Variants in DEPTOR observed in about 807,000 individuals in gnomAD.
The protein encoded by DEPTOR is DEP domain containing MTOR interacting protein.
A neutral mutation model predicts 41.6 loss-of-function variants in DEPTOR; 41 were observed. The ratio of observed to expected loss-of-function variants is 0.98; its 90% CI spans 0.77 to 1.28. The LOEUF (loss-of-function observed/expected upper bound fraction) is 1.28, where lower values mean the gene tolerates loss of function less well. Ranked by LOEUF, DEPTOR falls within the 50% of genes most tolerant of loss-of-function variation. The probability of loss-of-function intolerance (pLI) is 0.00; values close to 1 mark genes in which losing one functional copy is unlikely to be tolerated. For synonymous variants in DEPTOR, 195 were observed against 192.3 expected (o/e 1.01, Z -0.12); for missense variants, 514 against 527.9 (o/e 0.97, Z 0.26).
intron 1 of DEPTOR, among the ~76,000 whole-genome samples, chr8:119,917,971 T>A (rs13280041): frequency 0.72 from 109,315 of 152,080 alleles, 39,730 homozygotes; most frequent in East Asian, 0.95. Context: ...CTTAATTCTT[T>A]ACCTTGTTTA....
chr8:120,039,696 A>G (rs1425151741), intron 8 of DEPTOR, among the ~76,000 whole-genome samples: 1 of 152,110 alleles, frequency 6.6e-6, no homozygotes, highest in Non-Finnish European at 1.5e-5. Context: ...CCTTATTCTC[A>G]GGAGCCTGAT....
chr8:119,927,231 A>T (rs1455089804), intron 1 of DEPTOR, among the ~76,000 whole-genome samples: 1 of 152,160 alleles, frequency 6.6e-6, no homozygotes, highest in African/African-American at 2.4e-5. Context: ...TGAAGGCACC[A>T]CTGTGGCAAC....
chr8:119,950,270 CTCTTG>C (rs1484788333), intron 3 of DEPTOR, among the ~76,000 whole-genome samples: 2 of 152,152 alleles, frequency 1.3e-5, no homozygotes, highest in East Asian at 3.8e-4. Context: ...GAGACTGCTT[CTCTTG>C]TCTTTTTATA....
chr8:119,898,639 G>A (rs11989682), intron 1 of DEPTOR, among the ~76,000 whole-genome samples: 17 of 151,822 alleles, frequency 1.1e-4, no homozygotes, highest in African/African-American at 3.6e-4. Context: ...TGGGAGGATC[G>A]CTGGAGCCCA....
At chr8:120,002,812 A>ATATATATATATATAT (rs71306853) in intron 5 of DEPTOR, among the ~76,000 whole-genome samples, 165 bp from the exon 6 acceptor site, 19 of 130,044 alleles carry the variant, frequency 1.5e-4, no homozygotes, top group East Asian at 2.5e-4. Flanking sequence ...ATATATATAT[A>ATATATATATATATAT]ATATAAAGTA....
At chr8:119,919,324 C>T (rs1586614612) in intron 1 of DEPTOR, among the ~76,000 whole-genome samples, 1 of 151,962 alleles carries the variant, frequency 6.6e-6, no homozygotes, top group African/African-American at 2.4e-5. Context: ...ATATAGTGAC[C>T]TCCTATGTCC....
At position 120,021,555 on chromosome 8, in the gene DEPTOR, A is replaced by G. The variant is rs72673702; in HGVS notation, c.1101+12422A>G. ...TCTTCTGGCTGATTGTTGCTTAAAT[A>G]CGCTTATATTTGCAAACAAAACACA... On this transcript the variant is annotated intron_variant, in intron 8 of 8. Transcript: ENST00000286234. 2.8e-3 allele frequency among the ~76,000 whole-genome samples: 422 copies of G among 152,324 alleles called. 1 individual carries two copies. The highest frequency in any genetic ancestry group is 3.6e-3 in the Non-Finnish European group (246 of 68,030).
chr8:120,001,131 A>C (rs1519815), intron 4 of DEPTOR, among the ~76,000 whole-genome samples: 22,752 of 151,558 alleles, frequency 0.15, 2,785 homozygotes, highest in African/African-American at 0.33. Flanking sequence ...CTGCTGGGCA[A>C]TGGGGACACA....
chr8:120,001,836 G>A, intron 5 of DEPTOR, 126 bp downstream of exon 5: 2 of 1,181,074 alleles, frequency 1.7e-6, no homozygotes, highest in Admixed American at 3.2e-5. Context: ...TCATAACCAA[G>A]AAGCATGAAA....
At chr8:119,923,893 C>CTTTTCTTTTTTTTTTTTTTT (rs1554673843) in intron 1 of DEPTOR, among the ~76,000 whole-genome samples, 1 of 104,980 alleles carries the variant, frequency 9.5e-6, no homozygotes, top group African/African-American at 3.0e-5. Context: ...TTTTTTCTTT[C>CTTTTCTTTTTTTTTTTTTTT]TTTTTTTTTT....
At chr8:119,956,523 C>A (rs995459781) in intron 3 of DEPTOR, among the ~76,000 whole-genome samples, 1 of 152,034 alleles carries the variant, frequency 6.6e-6, no homozygotes, top group African/African-American at 2.4e-5. Flanking sequence ...AGAAATGACA[C>A]AAGTTAACCC....
chr8:119,945,913 T>A (rs950111064), intron 3 of DEPTOR, among the ~76,000 whole-genome samples: 3 of 152,132 alleles, frequency 2.0e-5, no homozygotes, highest in African/African-American at 7.2e-5. Flanking sequence ...AAGTGGATAT[T>A]TGAAGAGTGA....
chr8:120,025,977 G>T (rs1812790292), intron 8 of DEPTOR, among the ~76,000 whole-genome samples: 1 of 128,798 alleles, frequency 7.8e-6, no homozygotes, highest in African/African-American at 2.9e-5. Flanking sequence ...TTCTCTCTTA[G>T]GACTTTTGAT....
At chr8:120,040,050 G>C (rs945777892) in intron 8 of DEPTOR, among the ~76,000 whole-genome samples, 1 of 151,892 alleles carries the variant, frequency 6.6e-6, no homozygotes. Context: ...CACCATGTTG[G>C]CCAGGCTGGT....
intron 8 of DEPTOR, among the ~76,000 whole-genome samples, chr8:120,015,723 G>T (rs976627964): frequency 6.6e-6 from 1 of 152,156 alleles, no homozygotes; most frequent in Admixed American, 6.6e-5. Flanking sequence ...CTCCAAAGCC[G>T]AAAGAGGAGA....
At chr8:119,997,262 T>A (rs1427789481) in intron 4 of DEPTOR, among the ~76,000 whole-genome samples, 1 of 152,162 alleles carries the variant, frequency 6.6e-6, no homozygotes, top group Non-Finnish European at 1.5e-5. Context: ...TGAGACAGGA[T>A]CTCACTCTGT....
chr8:119,945,577 T>G (rs1002080440), intron 3 of DEPTOR, among the ~76,000 whole-genome samples: 4 of 152,344 alleles, frequency 2.6e-5, no homozygotes, highest in Admixed American at 2.6e-4. Context: ...GCATAGGCTC[T>G]TCACTTTCCC....
intron 8 of DEPTOR, among the ~76,000 whole-genome samples, chr8:120,029,421 A>C (rs369351606): frequency 2.9e-4 from 44 of 152,234 alleles, no homozygotes; most frequent in Non-Finnish European, 4.9e-4. Flanking sequence ...ATTGAGACGG[A>C]GTCTCACTCT....
chr8:120,032,825 A>AT (rs1296656051), intron 8 of DEPTOR, among the ~76,000 whole-genome samples: 1 of 152,170 alleles, frequency 6.6e-6, no homozygotes, highest in Non-Finnish European at 1.5e-5. Flanking sequence ...TGAATCTGGA[A>AT]CTGTGCAGGA....
Sources: allele counts gnomAD v4.1 joint callset (sites outside exome capture counted in the v4.1 genomes callset), GRCh38; gene constraint gnomAD v4.1.1; transcripts MANE v1.5; gene names NCBI Gene and HGNC (gene_info 2026-07-23, HGNC 2026-07-21).